Variants in CCDC116 observed in about 807,000 individuals in gnomAD.
The protein encoded by CCDC116 is coiled-coil domain-containing protein 116.
Under a neutral mutation model 29.4 loss-of-function variants are expected in CCDC116, and 24 were observed. The ratio of observed to expected loss-of-function variants is 0.82; its 90% CI spans 0.59 to 1.15. CCDC116 has a LOEUF of 1.15. Among genes scored for constraint, CCDC116 ranks in the 50% most tolerant of loss-of-function variants. CCDC116 has a pLI of 0.00. For missense variants in CCDC116, 791 were observed against 804.0 expected, an observed-to-expected ratio of 0.98 and a Z score of 0.20; for synonymous variants, 298 against 331.4, an observed-to-expected ratio of 0.90 and a Z score of 1.10.
In CCDC116 at chr22:21,634,379, A is replaced by T. The variant is rs1930688794; in HGVS notation, c.430A>T (p.Thr144Ser). 1 of 1,613,898 alleles carries T rather than the reference A, an allele frequency of 6.2e-7. No homozygotes were observed. The highest frequency in any genetic ancestry group is 8.5e-7 in the Non-Finnish European group (1 of 1,179,964). Residue 144 changes from threonine to serine, a missense_variant, in exon 3 of 5, where the codon ACT (threonine) becomes TCT (serine). Thr to Ser is a moderately conservative substitution (Grantham distance 58). Transcript: ENST00000292779. ...GCACCGTGTACGGCCGACCCTCTGCACTGGACACCCCAACAACTACCCATC... is the reference window on the plus strand; with the variant it reads ...GCACCGTGTACGGCCGACCCTCTGCTCTGGACACCCCAACAACTACCCATC... ...HRHRVRPTLC[T>S]GHPNNYPSSS... is the part of the protein sequence containing the mutation.
Position 21,635,129 on chromosome 22 carries a change from C to T in CCDC116, c.1066C>T (p.Pro356Ser). 6.2e-7 allele frequency: 1 copy of T among 1,605,336 alleles called. No individual in the cohort carries two copies. Among genetic ancestry groups the T allele is most frequent in the Non-Finnish European group, 8.5e-7 (1 of 1,179,946 alleles). Residue 356 changes from proline (P) to serine (S), a missense_variant, in exon 4 of 5, where the codon CCC becomes TCC. Transcript: ENST00000292779. ...LPPLGSEPAK[P>S]TNGGQPYASP... Reference sequence around the variant, plus strand: ...GCCTCTGGGCTCTGAGCCAGCTAAACCCACCAATGGCGGGCAGCCCTATGC... The same window carrying T: ...GCCTCTGGGCTCTGAGCCAGCTAAATCCACCAATGGCGGGCAGCCCTATGC...
Position 21,635,273 on chromosome 22 carries a change from C to T in CCDC116, c.1203+7C>T. 1.9e-6 allele frequency: 3 copies of T among 1,595,024 alleles called. No individual in the cohort carries two copies. Among genetic ancestry groups the T allele is most frequent in the Non-Finnish European group, 2.5e-6 (3 of 1,177,104 alleles). On this transcript the variant is annotated splice_region_variant and intron_variant, in intron 4 of 4. Coordinates refer to ENST00000292779, the MANE Select transcript of CCDC116 (RefSeq NM_152612.3). Reference sequence around the variant, plus strand: ...CACCAGATTCAAACTCAAGGTGACACCCACGGAGAAGCCCAATGTCCCCAG... The same window carrying T: ...CACCAGATTCAAACTCAAGGTGACATCCACGGAGAAGCCCAATGTCCCCAG...
chr22:21,635,333 T>G, intron 4 of CCDC116, 67 bp downstream of exon 4: 10 of 1,362,662 alleles, frequency 7.3e-6, no homozygotes, highest in Non-Finnish European at 1.0e-5. Context: ...GGCACCTGAC[T>G]CAGATCCCAA....
In CCDC116 at chr22:21,637,234, T is replaced by A. The variant is rs1032893764; in HGVS notation, c.*164T>A. On this transcript the variant is annotated 3_prime_UTR_variant, in exon 5 of 5. Coordinates refer to ENST00000292779, the MANE Select transcript of CCDC116 (RefSeq NM_152612.3). ...AGAGCAGGAGTCACCACAGGCTGAA[T>A]GCCCACGAGGAGCTCTGCTGAGACT... 1.9e-6 allele frequency: 2 copies of A among 1,037,818 alleles called. No homozygotes were observed. The highest frequency in any genetic ancestry group is 3.2e-5 in the African/African-American group (2 of 61,982). 64.3% of individuals were successfully genotyped at this position (1,037,818 alleles called of 1,614,324 possible).
intron 4 of CCDC116, 74 bp downstream of exon 4, chr22:21,635,340 C>T: frequency 7.6e-7 from 1 of 1,316,706 alleles, no homozygotes. Context: ...GACTCAGATC[C>T]CAAATTACAA....
intron 3 of CCDC116, 30 bp downstream of exon 3, chr22:21,634,600 T>G (rs1357773312): frequency 6.4e-7 from 1 of 1,573,482 alleles, no homozygotes; most frequent in Non-Finnish European, 8.6e-7. Context: ...CTGGGTGGGG[T>G]GGACTCCCAT....
intron 1 of CCDC116, 34 bp from the exon 2 acceptor site, chr22:21,633,086 G>C (rs751664140): frequency 1.0e-6 from 1 of 981,202 alleles, no homozygotes; most frequent in South Asian, 1.4e-5. Context: ...TGGACCTATT[G>C]GAGACCCTCA....
At position 21,636,891 on chromosome 22, in the gene CCDC116, C is replaced by T. The variant is rs1474125582; in HGVS notation, c.1663C>T (p.Gln555Ter). The change falls in exon 5 of 5, where the codon CAG (glutamine) becomes TAG (stop). Residue 555 changes from glutamine to a stop codon, truncating the protein, a stop_gained. Coordinates refer to ENST00000292779, the MANE Select transcript of CCDC116 (RefSeq NM_152612.3). LOFTEE classifies it low-confidence loss of function (END_TRUNC). ...CTACACCAACTTGCCAGCCAGCCGG[C>T]AGCTCAGCCCTTTGGAGCCCAAGCT... ...SLYTNLPASR[Q>*]LSPLEPKLYM... 2 of 1,613,778 alleles carry T rather than the reference C, an allele frequency of 1.2e-6. No homozygotes were observed. The highest frequency in any genetic ancestry group is 1.6e-4 in the Middle Eastern group (1 of 6,062).
At position 21,634,772 on chromosome 22, in the gene CCDC116, C is replaced by T. The variant is rs771705454; in HGVS notation, c.709C>T (p.Gln237Ter). The part of the protein sequence containing the change: ...SQTSFQWTQE[Q>*]PLSWFSGLLG... Reference sequence around the variant, plus strand: ...GACCAGCTTTCAGTGGACACAGGAGCAGCCCTTGTCCTGGTTCTCAGGGCT... The same window carrying T: ...GACCAGCTTTCAGTGGACACAGGAGTAGCCCTTGTCCTGGTTCTCAGGGCT... Residue 237 changes from glutamine (Q) to a stop codon, truncating the protein, a stop_gained, in exon 4 of 5, where the codon CAG becomes TAG. Coordinates refer to ENST00000292779, the MANE Select transcript of CCDC116 (RefSeq NM_152612.3). LOFTEE classifies it high-confidence loss of function. 8 of 1,613,860 alleles carry T rather than the reference C, an allele frequency of 5.0e-6. No individual in the cohort carries two copies. The highest frequency in any genetic ancestry group is 1.3e-5 in the African/African-American group (1 of 74,938).
chr22:21,634,610 T>G, intron 3 of CCDC116, 40 bp downstream of exon 3: 2 of 1,572,220 alleles, frequency 1.3e-6, no homozygotes, highest in Non-Finnish European at 1.7e-6. Context: ...TGGACTCCCA[T>G]GGAGAGCCCA....
intron 2 of CCDC116, among the ~76,000 whole-genome samples, chr22:21,633,460 C>T (rs1211109563): frequency 6.6e-6 from 1 of 152,204 alleles, no homozygotes; most frequent in Non-Finnish European, 1.5e-5. Flanking sequence ...TCCTGACTTC[C>T]AGCGACCCAG....
Position 21,635,519 on chromosome 22 carries a change from C to T in CCDC116, c.1203+253C>T, listed in dbSNP as rs550575333. ...CCCCTACCCCCGCTCTTCCTGCTACCTTCTCCCTGAGCTCTCTCCAGTTGC... is the reference window on the plus strand; with the variant it reads ...CCCCTACCCCCGCTCTTCCTGCTACTTTCTCCCTGAGCTCTCTCCAGTTGC... On this transcript the variant is annotated intron_variant, in intron 4 of 4. Transcript: ENST00000292779. 152 of 703,174 alleles carry T rather than the reference C, an allele frequency of 2.2e-4. 1 individual carries two copies. Among genetic ancestry groups the T allele is most frequent in the Middle Eastern group, 1.1e-3 (5 of 4,372 alleles). 43.6% of individuals were successfully genotyped at this position (703,174 alleles called of 1,614,324 possible).
rs1304273983 is a variant in CCDC116 at position 21,636,530 on chromosome 22, G to A, written c.1302G>A (p.Glu434=). The change falls in exon 5 of 5, where the codon GAG becomes GAA. Residue 434 remains glutamate (E), a synonymous_variant. Coordinates refer to ENST00000292779, the MANE Select transcript of CCDC116 (RefSeq NM_152612.3). ...MSHFSNRLYE[E]LADFLTQQAA... is the part of the protein sequence containing the mutation. ...ACTTCTCCAACCGCCTTTATGAGGA[G>A]CTCGCCGACTTCCTGACCCAGCAGG... 3.1e-6 allele frequency: 5 copies of A among 1,613,966 alleles called. No homozygotes were observed. The highest frequency in any genetic ancestry group is 4.2e-6 in the Non-Finnish European group (5 of 1,180,040).
chr22:21,637,096 C>T lies in CCDC116; in HGVS notation c.*26C>T, dbSNP rs370189885. The T allele has an allele frequency of 1.9e-5, 29 of 1,565,422 alleles. No homozygotes were observed. In the African/African-American group the frequency reaches 3.4e-4, roughly 18 times the overall value. On this transcript the variant is annotated 3_prime_UTR_variant, in exon 5 of 5. Coordinates refer to ENST00000292779, the MANE Select transcript of CCDC116 (RefSeq NM_152612.3). ...AGCCTCCCAGAGCCTGGAGAGGAGGCCTCGGTCAGCCACTCCGTGGACGTG... is the reference window on the plus strand; with the variant it reads ...AGCCTCCCAGAGCCTGGAGAGGAGGTCTCGGTCAGCCACTCCGTGGACGTG...
chr22:21,635,622 G>C (rs1930769489), intron 4 of CCDC116: 1 of 702,294 alleles, frequency 1.4e-6, no homozygotes, highest in Non-Finnish European at 2.6e-6. Context: ...CAGGAGAAGG[G>C]CTCCTTGACC....
In CCDC116 at chr22:21,632,766, T is replaced by C; in HGVS notation, c.-124T>C. 1 of 338,450 alleles carries C rather than the reference T, an allele frequency of 3.0e-6. No homozygotes were observed. The highest frequency in any genetic ancestry group is 4.0e-5 in the Admixed American group (1 of 25,204). 21.0% of individuals were successfully genotyped at this position (338,450 alleles called of 1,614,324 possible). A position where few individuals can be genotyped will look rare whatever the true frequency, so the allele number is the denominator to read the frequency against. On this transcript the variant is annotated 5_prime_UTR_variant, in exon 1 of 5. Transcript: ENST00000292779. ...GCCGCCAGCCGACTTCCTCGCACTGTGCAGCTGCTCCAGTGAGGGCGCAGA... is the reference window on the plus strand; with the variant it reads ...GCCGCCAGCCGACTTCCTCGCACTGCGCAGCTGCTCCAGTGAGGGCGCAGA...
At chr22:21,633,890 C>A in intron 2 of CCDC116, 132 bp from the exon 3 acceptor site, 1 of 928,966 alleles carries the variant, frequency 1.1e-6, no homozygotes, top group Non-Finnish European at 1.6e-6. Flanking sequence ...AGCCAGGGTC[C>A]AAACCCAGGG....
In CCDC116 at chr22:21,637,196, C is replaced by T; in HGVS notation, c.*126C>T. The T allele has an allele frequency of 7.2e-7, 1 of 1,386,136 alleles. No individual in the cohort carries two copies. The highest frequency in any genetic ancestry group is 9.5e-7 in the Non-Finnish European group (1 of 1,051,806). The allele number at this position is 1,386,136 out of a possible 1,614,324, so 85.9% of individuals were successfully genotyped here. A position where few individuals can be genotyped will look rare whatever the true frequency, so the allele number is the denominator to read the frequency against. On this transcript the variant is annotated 3_prime_UTR_variant, in exon 5 of 5. Coordinates refer to ENST00000292779, the MANE Select transcript of CCDC116 (RefSeq NM_152612.3). ...TCTGTCAGAGTTGCTGCACATCACACCAGCCCCTGCCAAGAGCAGGAGTCA... is the reference window on the plus strand; with the variant it reads ...TCTGTCAGAGTTGCTGCACATCACATCAGCCCCTGCCAAGAGCAGGAGTCA...
chr22:21,634,438 C>A lies in CCDC116; in HGVS notation c.489C>A (p.Ser163Arg), dbSNP rs758294308. Residue 163 changes from serine (S) to arginine (R), a missense_variant, in exon 3 of 5, where the codon AGC (serine) becomes AGA (arginine). Transcript: ENST00000292779. ...SSSSMSNCHS[S>R]LMAGCLGSHS... ...GCTCCATGTCCAACTGCCATAGCAG[C>A]CTCATGGCCGGCTGTCTGGGCTCCC... is the stretch of plus-strand genomic sequence containing the variant. The A allele has an allele frequency of 1.2e-6, 2 of 1,614,218 alleles. No homozygotes were observed. The highest frequency in any genetic ancestry group is 1.7e-6 in the Non-Finnish European group (2 of 1,180,032).
Sources: allele counts gnomAD v4.1 joint callset (sites outside exome capture counted in the v4.1 genomes callset), GRCh38; gene constraint gnomAD v4.1.1; transcripts MANE v1.5; gene names NCBI Gene and HGNC (gene_info 2026-07-23, HGNC 2026-07-21).